The following FBH1 variants were observed in gnomAD, a reference collection of about 807,000 sequenced individuals.
FBH1 encodes the protein DNA 3'-5' helicase 1.
In FBH1, 43 loss-of-function variants were observed where a neutral mutation model predicts 115.5. The ratio of observed to expected loss-of-function variants is 0.37; its 90% CI spans 0.29 to 0.48. The LOEUF (loss-of-function observed/expected upper bound fraction) is 0.48, where lower values mean the gene tolerates loss of function less well. Ranked by LOEUF, FBH1 falls within the 20% of genes least tolerant of loss-of-function variation. FBH1 has a pLI of 0.99. For missense variants in FBH1, 1,001 were observed against 1,337.3 expected, an observed-to-expected ratio of 0.75 and a Z score of 3.92; for synonymous variants, 524 against 507.8, an observed-to-expected ratio of 1.03 and a Z score of -0.43.
Position 5,917,619 on chromosome 10 carries a change from C to T in FBH1, c.1906C>T (p.Pro636Ser), listed in dbSNP as rs771260332. 2 of 1,614,066 alleles carry T rather than the reference C, an allele frequency of 1.2e-6. No homozygotes were observed. Among genetic ancestry groups the T allele is most frequent in the South Asian group, 1.1e-5 (1 of 91,076 alleles). Residue 636 changes from proline to serine, a missense_variant, in exon 12 of 21, where the codon CCT becomes TCT. By Grantham distance (74) the Pro-to-Ser change is moderately conservative. Transcript: ENST00000362091. This position sits in a 1 kb window ranked among gnomAD's most constrained non-coding sequence, Gnocchi z 5.6. ...GYLKLWQLSK[P>S]SLASFDAIFV... ...CTTGAAACTCTGGCAGCTGAGCAAG[C>T]CTTCGCTGGCCTCTTTTGACGCCAT... is the stretch of plus-strand genomic sequence containing the variant.
intron 1 of FBH1, among the ~76,000 whole-genome samples, chr10:5,902,755 A>G (rs941361920): frequency 2.6e-5 from 4 of 152,118 alleles, no homozygotes; most frequent in African/African-American, 9.7e-5. Flanking sequence ...TGAGCATTTC[A>G]TGACCAAGTC....
At chr10:5,926,101 ATTC>A (rs1428597670) in intron 18 of FBH1, among the ~76,000 whole-genome samples, 1 of 120,914 alleles carries the variant, frequency 8.3e-6, no homozygotes, top group Non-Finnish European at 1.9e-5. Context: ...TGTTATTATT[ATTC>A]TTATTCTTAT....
upstream of FBH1, chr10:5,890,168 C>A: frequency 3.0e-6 from 1 of 328,658 alleles, no homozygotes; most frequent in South Asian, 1.4e-4. Flanking sequence ...CAGTCCGGCT[C>A]CGGCGGCGGG....
intron 6 of FBH1, among the ~76,000 whole-genome samples, chr10:5,912,801 C>T (rs1831683828): frequency 6.6e-6 from 1 of 152,222 alleles, no homozygotes; most frequent in African/African-American, 2.4e-5. Context: ...ATTCCACACA[C>T]CACATTGGGG....
chr10:5,913,708 G>C lies in FBH1; in HGVS notation c.1212-39G>C. 7.0e-7 allele frequency: 1 copy of C among 1,424,518 alleles called. No homozygotes were observed. Among genetic ancestry groups the C allele is most frequent in the South Asian group, 1.4e-5 (1 of 73,512 alleles). The allele number at this position is 1,424,518 out of a possible 1,614,324, so 88.2% of individuals were successfully genotyped here. A position where few individuals can be genotyped will look rare whatever the true frequency, so the allele number is the denominator to read the frequency against. ...AAAAATAAGATGCAGATTGTGACTT[G>C]AATTTGAGACTTTCTAAATCTACTT... On this transcript the variant is annotated intron_variant, in intron 6 of 20. Transcript: ENST00000362091. This position sits in a 1 kb window ranked among gnomAD's most constrained non-coding sequence, Gnocchi z 4.4.
Position 5,895,242 on chromosome 10 carries a change from A to C in FBH1, c.1+4896A>C. On this transcript the variant is annotated intron_variant, in intron 1 of 20. Coordinates refer to ENST00000362091, the MANE Select transcript of FBH1 (RefSeq NM_178150.3). This position sits in a 1 kb window ranked among gnomAD's most constrained non-coding sequence, Gnocchi z 5.0. ...CGGTTAGCTGACTCCAAAATTGTCC[A>C]GATTAGCAAAACTGCCCTCTGTGGA... The C allele has an allele frequency of 6.4e-7, 1 of 1,564,640 alleles. No individual in the cohort carries two copies.
Position 5,924,322 on chromosome 10 carries a change from A to G in FBH1, c.2410A>G (p.Ile804Val). ...TATATTCTTCTTAGAAAACCTCGTC[A>G]TTAAAGACAAATTTATCAGAAGATG... is the stretch of plus-strand genomic sequence containing the variant. ...EEERRKQNLV[I>V]KDKFIRRWVH... Residue 804 changes from isoleucine (I) to valine (V), a missense_variant, in exon 17 of 21, where the codon ATT (isoleucine) becomes GTT (valine). Coordinates refer to ENST00000362091, the MANE Select transcript of FBH1 (RefSeq NM_178150.3). This position sits in a 1 kb window ranked among gnomAD's most constrained non-coding sequence, Gnocchi z 6.2. 1.2e-6 allele frequency: 2 copies of G among 1,614,190 alleles called. No individual in the cohort carries two copies. The highest frequency in any genetic ancestry group is 1.7e-6 in the Non-Finnish European group (2 of 1,180,018).
rs764610876 is a variant in FBH1 at position 5,908,994 on chromosome 10, G to A, written c.823G>A (p.Gly275Ser). 8.7e-6 allele frequency: 14 copies of A among 1,614,168 alleles called. No individual in the cohort carries two copies. The highest frequency in any genetic ancestry group is 2.2e-5 in the East Asian group (1 of 44,894). ...NEEQAVSKVDGILSNCGIEKE... is the reference protein window; with the variant it reads ...NEEQAVSKVDSILSNCGIEKE... The stretch of plus-strand genomic sequence containing the variant: ...AGAGCAAGCTGTCAGCAAAGTGGAC[G>A]GCATCCTGTCTAACTGTGGCATAGA... Residue 275 changes from glycine to serine, a missense_variant, in exon 4 of 21, where the codon GGC (glycine) becomes AGC (serine). By Grantham distance (56) the Gly-to-Ser change is moderately conservative. Around this residue, in one of 4 missense-constraint regions of FBH1, gnomAD observed 420 missense variants for 430.4 expected, o/e 0.98. Coordinates refer to ENST00000362091, the MANE Select transcript of FBH1 (RefSeq NM_178150.3).
chr10:5,924,656 C>T lies in FBH1; in HGVS notation c.2596+148C>T, dbSNP rs1832525263. The T allele has an allele frequency of 1.3e-6, 1 of 785,106 alleles. No individual in the cohort carries two copies. The highest frequency in any genetic ancestry group is 1.5e-5 in the South Asian group (1 of 65,214). The allele number at this position is 785,106 out of a possible 1,614,324, so 48.6% of individuals were successfully genotyped here. A position where few individuals can be genotyped will look rare whatever the true frequency, so the allele number is the denominator to read the frequency against. On this transcript the variant is annotated intron_variant, in intron 17 of 20. Transcript: ENST00000362091. The surrounding 1 kb of genome is among the most constrained non-coding windows in gnomAD (Gnocchi z 6.2). ...GATCTTGGCTCACTGCAATGCCCAC[C>T]TTCTGGGTTCAAGCAATTATCCTGC...
Position 5,925,219 on chromosome 10 carries a change from TTG to T in FBH1, c.2597-146_2597-145del, listed in dbSNP as rs1180233566. ...CCCGACAGTTGTCTGTTCCCGACAG[TTG>T]TTTCCTCTTTCCCCCTTTTCCTACA... On this transcript the variant is annotated intron_variant, in intron 17 of 20. Coordinates refer to ENST00000362091, the MANE Select transcript of FBH1 (RefSeq NM_178150.3). The surrounding 1 kb of genome is among the most constrained non-coding windows in gnomAD (Gnocchi z 4.6). The T allele has an allele frequency of 1.7e-5, 16 of 933,128 alleles. No individual in the cohort carries two copies. Among genetic ancestry groups the T allele is most frequent in the Non-Finnish European group, 2.5e-5 (16 of 628,848 alleles). The allele number at this position is 933,128 out of a possible 1,614,324, so 57.8% of individuals were successfully genotyped here.
Position 5,915,425 on chromosome 10 carries a change from G to C in FBH1, c.1419G>C (p.Leu473=), listed in dbSNP as rs775997906. 1 of 1,614,076 alleles carries C rather than the reference G, an allele frequency of 6.2e-7. No homozygotes were observed. Among genetic ancestry groups the C allele is most frequent in the East Asian group, 2.2e-5 (1 of 44,894 alleles). ...AFAGTGKTST[L]VKYAEKWSQS... The stretch of plus-strand genomic sequence containing the variant: ...CAGGCACTGGGAAGACCTCAACGCT[G>C]GTCAAGTATGCAGAGAAGTGGTCTC... Residue 473 remains leucine (L), a synonymous_variant, in exon 9 of 21, where the codon CTG becomes CTC. Transcript: ENST00000362091. The surrounding 1 kb of genome is among the most constrained non-coding windows in gnomAD (Gnocchi z 5.2).
At chr10:5,901,403 C>T (rs1843338292) in intron 1 of FBH1, among the ~76,000 whole-genome samples, 1 of 152,066 alleles carries the variant, frequency 6.6e-6, no homozygotes, top group Non-Finnish European at 1.5e-5. Flanking sequence ...GGTGATCCAC[C>T]CGCCTCGGCC....
intron 13 of FBH1, among the ~76,000 whole-genome samples, chr10:5,919,545 TATAG>T (rs1389873224): frequency 3.9e-5 from 6 of 152,162 alleles, no homozygotes; most frequent in African/African-American, 7.2e-5. Flanking sequence ...ATATGGTAAA[TATAG>T]ATAGATAGAG....
At chr10:5,894,495 C>A in intron 1 of FBH1, 1 of 1,101,250 alleles carries the variant, frequency 9.1e-7, no homozygotes, top group Non-Finnish European at 1.4e-6. Context: ...CACTCATGAG[C>A]TACGAGGTGA....
rs1728466170 is a variant in FBH1, at chr10:5,911,689, T to G, written c.1211+561T>G. ...GTCCACTGTGACCGGCTTAGAGGAG[T>G]TAGAGGAGATTCCTGATCTAGTGAG... On this transcript the variant is annotated intron_variant, in intron 6 of 20. Coordinates refer to ENST00000362091, the MANE Select transcript of FBH1 (RefSeq NM_178150.3). This position sits in a 1 kb window ranked among gnomAD's most constrained non-coding sequence, Gnocchi z 5.4. Among the ~76,000 whole-genome samples the G allele has an allele frequency of 6.6e-6, 1 of 151,906 alleles. No individual in the cohort carries two copies. The highest frequency in any genetic ancestry group is 1.5e-5 in the Non-Finnish European group (1 of 67,970).
At position 5,924,255 on chromosome 10, in the gene FBH1, C is replaced by T. The variant is rs1832495766; in HGVS notation, c.2399-56C>T. 8 of 1,571,518 alleles carry T rather than the reference C, an allele frequency of 5.1e-6. No homozygotes were observed. Among genetic ancestry groups the T allele is most frequent in the East Asian group, 2.2e-5 (1 of 44,556 alleles). ...GCTGCTTAGGAACGTGCAGCACCTG[C>T]CACCATCTGTTAGTGGAGCTTGTGT... On this transcript the variant is annotated intron_variant, in intron 16 of 20. Coordinates refer to ENST00000362091, the MANE Select transcript of FBH1 (RefSeq NM_178150.3). The surrounding 1 kb of genome is among the most constrained non-coding windows in gnomAD (Gnocchi z 6.2).
intron 1 of FBH1, among the ~76,000 whole-genome samples, chr10:5,901,696 C>T (rs1436517397): frequency 1.3e-5 from 2 of 151,456 alleles, no homozygotes; most frequent in South Asian, 2.1e-4. Flanking sequence ...TCCTGAGTAG[C>T]TGGGGTTACA....
chr10:5,930,936 T>TG (rs1832936819), intron 19 of FBH1, among the ~76,000 whole-genome samples: 1 of 152,016 alleles, frequency 6.6e-6, no homozygotes, highest in African/African-American at 2.4e-5. Context: ...TGTTTTGTTT[T>TG]TTTGTACAGA....
At chr10:5,929,503 C>T (rs1390412919) in intron 19 of FBH1, 2 of 152,228 alleles carry the variant, frequency 1.3e-5, no homozygotes, top group Non-Finnish European at 2.9e-5. Context: ...GAGCTTAGAA[C>T]TGAAGCCCTT....
Sources: allele counts gnomAD v4.1 joint callset (sites outside exome capture counted in the v4.1 genomes callset), GRCh38; gene constraint gnomAD v4.1.1; regional missense constraint gnomAD v4.1.1; non-coding constraint Gnocchi (gnomAD v3.1); transcripts MANE v1.5; gene names NCBI Gene and HGNC (gene_info 2026-07-23, HGNC 2026-07-21).